Variants in DMD observed in about 807,000 individuals in gnomAD.
The protein encoded by DMD is mutant dystrophin.
DMD carries 63 observed loss-of-function variants against 330.1 expected under a neutral mutation model. The observed-to-expected ratio is 0.19, with a 90% CI of 0.16 to 0.24. DMD has a LOEUF of 0.24. DMD is among the 10% of genes least tolerant of loss of function. The probability of loss-of-function intolerance (pLI) is 1.00; values close to 1 mark genes in which losing one functional copy is unlikely to be tolerated. For missense variants in DMD, 3,344 were observed against 2,684.1 expected (o/e 1.25, Z -5.43); for synonymous variants, 1,223 against 959.8 (o/e 1.27, Z -5.07).
intron 1 of DMD, among the ~76,000 whole-genome samples, chrX:33,098,317 C>T (rs930200079): frequency 4.5e-5 from 5 of 111,839 alleles, no homozygotes; most frequent in Admixed American, 1.9e-4. Flanking sequence ...TTGTTCTCTG[C>T]GCTGTATATA....
chrX:32,111,290 C>T (rs1309787225), intron 44 of DMD, among the ~76,000 whole-genome samples: 1 of 112,082 alleles, frequency 8.9e-6, no homozygotes, highest in Non-Finnish European at 1.9e-5. Flanking sequence ...CTTTTCGTTT[C>T]TCCGTGGCTT....
At chrX:31,685,128 C>T (rs150329194) in intron 52 of DMD, among the ~76,000 whole-genome samples, 14 of 111,755 alleles carry the variant, frequency 1.3e-4, no homozygotes, top group African/African-American at 4.5e-4. Flanking sequence ...ATTTCCAAAG[C>T]CCATAGAACC....
chrX:32,155,520 T>G, intron 44 of DMD: 1 of 611,689 alleles, frequency 1.6e-6, no homozygotes, highest in Non-Finnish European at 2.0e-6. Flanking sequence ...CAACTTTGTG[T>G]GTAGCAAAGG....
Position 31,355,112 on chromosome X carries a change from G to A in DMD, c.9085-6478C>T, listed in dbSNP as rs757366235. 3.6e-5 allele frequency among the ~76,000 whole-genome samples: 4 copies of A among 112,263 alleles called. No homozygotes were observed. In the South Asian group the frequency reaches 1.5e-3, roughly 42 times the overall value. ...ATAAAAGAAAGAAAGAAAAAGGACC[G>A]ATAACAACATCATGGCTCTTAGAAA... On this transcript the variant is annotated intron_variant, in intron 60 of 78. Transcript: ENST00000357033.
At chrX:32,397,896 A>C (rs930942962) in intron 30 of DMD, among the ~76,000 whole-genome samples, 2 of 111,381 alleles carry the variant, frequency 1.8e-5, no homozygotes, top group South Asian at 7.4e-4. Context: ...GTGTCAAAGA[A>C]AGGAAAAATT....
intron 62 of DMD, among the ~76,000 whole-genome samples, chrX:31,303,952 C>T (rs1603337139): frequency 8.9e-6 from 1 of 112,069 alleles, no homozygotes; most frequent in Non-Finnish European, 1.9e-5. Flanking sequence ...ATCTGGTGCA[C>T]ATATTCTGAT....
intron 55 of DMD, among the ~76,000 whole-genome samples, chrX:31,601,211 A>T (rs1175371293): frequency 8.9e-6 from 1 of 112,648 alleles, no homozygotes; most frequent in African/African-American, 3.2e-5. Context: ...GTCCATACAC[A>T]GGTGTCTCAA....
At chrX:31,749,506 G>C (rs1476345311) in intron 51 of DMD, among the ~76,000 whole-genome samples, 1 of 106,998 alleles carries the variant, frequency 9.3e-6, no homozygotes, top group Non-Finnish European at 1.9e-5. Flanking sequence ...GTATTCCATG[G>C]TGTATATGTG....
chrX:31,261,008 G>C lies in DMD; in HGVS notation c.9233C>G (p.Thr3078Ser). The C allele has an allele frequency of 8.3e-7, 1 of 1,210,228 alleles. No homozygotes were observed. Among genetic ancestry groups the C allele is most frequent in the Non-Finnish European group, 1.1e-6 (1 of 894,402 alleles). ...GGGATGGTCCCAGCAAGTTGTTTGA[G>C]TCTCGTGGCTAAAACACAAAACATA... The part of the protein sequence containing the change: ...NKVPYYINHE[T>S]QTTCWDHPKM... Residue 3078 changes from threonine (T) to serine (S), a missense_variant, in exon 63 of 79, where the codon ACT becomes AGT. Transcript: ENST00000357033.
chrX:32,564,243 A>C (rs760288527), intron 16 of DMD, among the ~76,000 whole-genome samples: 1 of 112,165 alleles, frequency 8.9e-6, no homozygotes, highest in Admixed American at 9.5e-5. Context: ...CTAGAAGATG[A>C]CCTACAGTTA....
At chrX:32,316,667 T>G (rs1341348823) in intron 41 of DMD, among the ~76,000 whole-genome samples, 2 of 111,401 alleles carry the variant, frequency 1.8e-5, no homozygotes, top group Non-Finnish European at 3.8e-5. Context: ...TTCCGTGTTA[T>G]TAAGTTTGAA....
At chrX:32,713,862 T>C (rs1352284719) in intron 7 of DMD, among the ~76,000 whole-genome samples, 1 of 111,766 alleles carries the variant, frequency 8.9e-6, no homozygotes, top group Non-Finnish European at 1.9e-5. Context: ...TGAGTCAAAA[T>C]TGCATTTAAT....
intron 44 of DMD, among the ~76,000 whole-genome samples, chrX:32,064,255 G>A (rs2096246915): frequency 9.0e-6 from 1 of 111,202 alleles, no homozygotes; most frequent in Middle Eastern, 4.7e-3. Flanking sequence ...ATGCATAAAT[G>A]TGTTACATTA....
intron 62 of DMD, among the ~76,000 whole-genome samples, chrX:31,265,743 T>C (rs1603264326): frequency 1.4e-5 from 1 of 72,278 alleles, no homozygotes; most frequent in Non-Finnish European, 2.3e-5. Context: ...TAAAAGGCAA[T>C]AAAAAAGCTA....
Position 31,242,700 on chromosome X carries a change from ATGTG to A in DMD, c.9286+18251_9286+18254del, listed in dbSNP as rs3138883. Among the ~76,000 whole-genome samples the A allele has an allele frequency of 2.4e-3, 231 of 95,056 alleles. 1 individual carries two copies. Among genetic ancestry groups the A allele is most frequent in the East Asian group, 0.011 (31 of 2,943 alleles). 82.5% of individuals were successfully genotyped at this position (95,056 alleles called of 115,157 possible). ...GAAAGATAGCAGGCAACAATAAGAT[ATGTG>A]TGTGTGTGTGTGTGTGTGTGTGTGT... On this transcript the variant is annotated intron_variant, in intron 63 of 78. Coordinates refer to ENST00000357033, the MANE Select transcript of DMD (RefSeq NM_004006.3).
chrX:33,056,900 A>G (rs1193189584), intron 1 of DMD, among the ~76,000 whole-genome samples: 2 of 111,049 alleles, frequency 1.8e-5, no homozygotes, highest in Non-Finnish European at 3.8e-5. Context: ...CATGCCCTCT[A>G]CTGATGTGGG....
chrX:32,861,859 G>T (rs1349061608), intron 2 of DMD, among the ~76,000 whole-genome samples: 1 of 111,496 alleles, frequency 9.0e-6, no homozygotes, highest in African/African-American at 3.3e-5. Context: ...CACCACCCTA[G>T]ACATGGAAGC....
At chrX:31,681,777 G>A (rs766391869) in intron 52 of DMD, among the ~76,000 whole-genome samples, 11 of 113,064 alleles carry the variant, frequency 9.7e-5, no homozygotes, top group African/African-American at 3.5e-4. Flanking sequence ...CCTCCACAAA[G>A]TTATGTGAAG....
intron 52 of DMD, among the ~76,000 whole-genome samples, chrX:31,719,110 T>C (rs1195387798): frequency 9.0e-6 from 1 of 111,629 alleles, no homozygotes; most frequent in East Asian, 2.8e-4. Context: ...TCAGCAACCA[T>C]TTGTTTCCTG....
Sources: gnomAD v4.1 joint callset for allele counts (sites outside exome capture counted in the v4.1 genomes callset) on GRCh38, gnomAD v4.1.1 for gene constraint, MANE v1.5 for transcripts, NCBI Gene and HGNC (gene_info 2026-07-23, HGNC 2026-07-21) for gene names.